The following OTOG variants were observed in gnomAD, a reference collection of about 807,000 sequenced individuals.
OTOG encodes otogelin.
Under a neutral mutation model 313.8 loss-of-function variants are expected in OTOG, and 296 were observed. The observed-to-expected ratio is 0.94, with a 90% CI of 0.86 to 1.04. OTOG has a LOEUF of 1.04. Among genes scored for constraint, OTOG ranks in the 50% least tolerant of loss-of-function variants. The probability of loss-of-function intolerance (pLI) is 0.00; values close to 1 mark genes in which losing one functional copy is unlikely to be tolerated. For missense variants in OTOG, 3,948 were observed against 3,840.1 expected (o/e 1.03, Z -0.74); for synonymous variants, 1,533 against 1,554.9 (o/e 0.99, Z 0.33).
Position 17,573,245 on chromosome 11 carries a change from C to T in OTOG, c.2248C>T (p.Arg750Cys), listed in dbSNP as rs926211867. ...TLAHYAHLCR[R>C]HGLPVDFRAR... is the part of the protein sequence containing the mutation. ...GGCCCACTACGCCCACCTGTGCCGGCGCCATGGGCTCCCCGTTGATTTCCG... is the reference window on the plus strand; with the variant it reads ...GGCCCACTACGCCCACCTGTGCCGGTGCCATGGGCTCCCCGTTGATTTCCG... Residue 750 changes from arginine (R) to cysteine (C), a missense_variant, in exon 19 of 56, where the codon CGC becomes TGC. Coordinates refer to ENST00000399397, the MANE Select transcript of OTOG (RefSeq NM_001292063.2). 104 of 1,532,666 alleles carry T rather than the reference C, an allele frequency of 6.8e-5. 1 individual carries two copies. The highest frequency in any genetic ancestry group is 8.4e-5 in the Non-Finnish European group (96 of 1,144,052). 94.9% of individuals were successfully genotyped at this position (1,532,666 alleles called of 1,614,324 possible). A position where few individuals can be genotyped will look rare whatever the true frequency, so the allele number is the denominator to read the frequency against.
intron 22 of OTOG, among the ~76,000 whole-genome samples, chr11:17,577,543 C>T (rs1852559596): frequency 6.6e-6 from 1 of 152,148 alleles, no homozygotes; most frequent in Admixed American, 6.5e-5. Context: ...TTCAAATCTT[C>T]CCTGGCACTC....
At chr11:17,608,440 G>A in intron 34 of OTOG, 27 bp downstream of exon 34, 1 of 1,457,772 alleles carries the variant, frequency 6.9e-7, no homozygotes, top group Non-Finnish European at 9.2e-7. Flanking sequence ...TGTGGGCATG[G>A]AGCCAAGGTG....
intron 39 of OTOG, among the ~76,000 whole-genome samples, chr11:17,616,631 G>A (rs1228189373): frequency 6.6e-6 from 1 of 151,888 alleles, no homozygotes; most frequent in Non-Finnish European, 1.5e-5. Context: ...ATATTTTTTG[G>A]TGCTATTGTA....
Position 17,641,884 on chromosome 11 carries a change from G to A in OTOG, c.8228G>A (p.Cys2743Tyr). The change falls in exon 52 of 56, where the codon TGC (cysteine) becomes TAC (tyrosine). Residue 2743 changes from cysteine (C) to tyrosine (Y), a missense_variant. Physicochemically the swap from Cys to Tyr is radical, Grantham distance 194. Transcript: ENST00000399397. ...GAGCACCCGCGGGACCTCGCTGCCT[G>A]CTGCGGCTCCTGCAGGAACGTGTCC... ...EYEHPRDLAACCGSCRNVSCL... is the reference protein window; with the variant it reads ...EYEHPRDLAAYCGSCRNVSCL... 6.5e-7 allele frequency: 1 copy of A among 1,550,310 alleles called. No individual in the cohort carries two copies. The highest frequency in any genetic ancestry group is 8.7e-7 in the Non-Finnish European group (1 of 1,146,836).
intron 15 of OTOG, among the ~76,000 whole-genome samples, chr11:17,564,075 G>T (rs1056539874): frequency 6.6e-6 from 1 of 152,124 alleles, no homozygotes; most frequent in Non-Finnish European, 1.5e-5. Context: ...TTGTGGGACA[G>T]TGCCTCTTGA....
intron 11 of OTOG, 47 bp from the exon 12 acceptor site, chr11:17,559,487 A>G: frequency 6.5e-7 from 1 of 1,549,672 alleles, no homozygotes; most frequent in Non-Finnish European, 8.7e-7. Flanking sequence ...GGGTCCTGGC[A>G]GAGCTGGGGC....
chr11:17,621,522 T>C (rs190080548), intron 39 of OTOG, among the ~76,000 whole-genome samples: 4 of 152,320 alleles, frequency 2.6e-5, no homozygotes, highest in East Asian at 1.9e-4. Context: ...CCTGCATACA[T>C]TGATCAATAT....
intron 39 of OTOG, among the ~76,000 whole-genome samples, chr11:17,616,491 T>G (rs1853723980): frequency 6.6e-6 from 1 of 152,240 alleles, no homozygotes; most frequent in Non-Finnish European, 1.5e-5. Flanking sequence ...TTAACACTGG[T>G]GAGTCTTCCA....
At chr11:17,566,452 A>C (rs1011546525) in intron 15 of OTOG, among the ~76,000 whole-genome samples, 10 of 152,226 alleles carry the variant, frequency 6.6e-5, no homozygotes, top group Admixed American at 3.3e-4. Flanking sequence ...CTGTATATGC[A>C]TATCCATGTT....
At position 17,645,556 on chromosome 11, in the gene OTOG, C is replaced by T. The variant is rs1848056361; in HGVS notation, c.8462-8C>T. ...GGCCACAGCTGCCTCATCCCCCTGT[C>T]CCCCCAGGTAAGGAGGATGGGCGCT... On this transcript the variant is annotated splice_region_variant and splice_polypyrimidine_tract_variant and intron_variant, in intron 54 of 55. Coordinates refer to ENST00000399397, the MANE Select transcript of OTOG (RefSeq NM_001292063.2). The T allele has an allele frequency of 1.0e-5, 16 of 1,549,904 alleles. No individual in the cohort carries two copies. Among genetic ancestry groups the T allele is most frequent in the Non-Finnish European group, 1.3e-5 (15 of 1,146,582 alleles).
intron 24 of OTOG, among the ~76,000 whole-genome samples, chr11:17,590,858 C>T (rs1399608120): frequency 6.6e-6 from 1 of 152,144 alleles, no homozygotes; most frequent in Non-Finnish European, 1.5e-5. Context: ...TTAACTCTGT[C>T]ACCTCCTTTA....
intron 39 of OTOG, 107 bp downstream of exon 39, chr11:17,613,808 G>A: frequency 2.3e-6 from 2 of 853,668 alleles, no homozygotes; most frequent in Non-Finnish European, 3.7e-6. Flanking sequence ...TCAGGGCAGG[G>A]GTGGGGAGGG....
At chr11:17,556,017 T>A (rs1170142877) in intron 7 of OTOG, 120 bp downstream of exon 7, 6 of 753,300 alleles carry the variant, frequency 8.0e-6, no homozygotes, top group Non-Finnish European at 1.3e-5. Flanking sequence ...AACAGCAATT[T>A]CCACTATCTG....
chr11:17,619,112 T>C (rs1476060861), intron 39 of OTOG, among the ~76,000 whole-genome samples: 1 of 151,960 alleles, frequency 6.6e-6, no homozygotes, highest in East Asian at 1.9e-4. Context: ...AAAATATATA[T>C]ATTAAAAAAT....
intron 24 of OTOG, among the ~76,000 whole-genome samples, chr11:17,586,785 T>C (rs1852803984): frequency 6.6e-6 from 1 of 152,232 alleles, no homozygotes; most frequent in South Asian, 2.1e-4. Flanking sequence ...TACATGAGTA[T>C]GTTTGTTCAG....
intron 47 of OTOG, among the ~76,000 whole-genome samples, chr11:17,636,997 A>G (rs1256805784): frequency 1.3e-5 from 2 of 152,114 alleles, no homozygotes; most frequent in Non-Finnish European, 2.9e-5. Context: ...GGCTGTTGAT[A>G]TTATCACTTT....
chr11:17,609,844 C>T lies in OTOG; in HGVS notation c.4544C>T (p.Ala1515Val), dbSNP rs1853481145. The T allele has an allele frequency of 6.6e-7, 1 of 1,521,164 alleles. No individual in the cohort carries two copies. Among genetic ancestry groups the T allele is most frequent in the Non-Finnish European group, 8.9e-7 (1 of 1,128,798 alleles). The allele number at this position is 1,521,164 out of a possible 1,614,324, so 94.2% of individuals were successfully genotyped here. ...LTTALNPPVT[A>V]TEEPVVSPGP... ...ACAGCCCTGAACCCACCAGTGACAGCCACTGAGGAGCCAGTGGTGTCTCCA... is the reference window on the plus strand; with the variant it reads ...ACAGCCCTGAACCCACCAGTGACAGTCACTGAGGAGCCAGTGGTGTCTCCA... The change falls in exon 36 of 56, where the codon GCC becomes GTC. Residue 1515 changes from alanine (A) to valine (V), a missense_variant. Ala to Val is a moderately conservative substitution (Grantham distance 64). Coordinates refer to ENST00000399397, the MANE Select transcript of OTOG (RefSeq NM_001292063.2).
At chr11:17,641,175 C>G in intron 51 of OTOG, 84 bp downstream of exon 51, 1 of 1,396,934 alleles carries the variant, frequency 7.2e-7, no homozygotes, top group Admixed American at 2.1e-5. Flanking sequence ...CAGAGGGGCC[C>G]TTGAAGCTGC....
Position 17,578,389 on chromosome 11 carries a change from A to T in OTOG, c.2622A>T (p.Ala874=). ...CTCTTCCAGCTGCTGCCTGCCCAGC[A>T]GGCCAGGTCTTCGTGAACTGCAGCG... ...DSRAPAAACP[A]GQVFVNCSDL... is the part of the protein sequence containing the mutation. The change falls in exon 23 of 56, where the codon GCA becomes GCT. Residue 874 remains alanine, a synonymous_variant. Transcript: ENST00000399397. 1 of 1,522,790 alleles carries T rather than the reference A, an allele frequency of 6.6e-7. No individual in the cohort carries two copies. The highest frequency in any genetic ancestry group is 8.8e-7 in the Non-Finnish European group (1 of 1,136,256). The allele number at this position is 1,522,790 out of a possible 1,614,324, so 94.3% of individuals were successfully genotyped here. A position where few individuals can be genotyped will look rare whatever the true frequency, so the allele number is the denominator to read the frequency against.
Sources: allele counts gnomAD v4.1 joint callset (sites outside exome capture counted in the v4.1 genomes callset), GRCh38; gene constraint gnomAD v4.1.1; transcripts MANE v1.5; gene names NCBI Gene and HGNC (gene_info 2026-07-23, HGNC 2026-07-21).